The following SS18L1 variants were observed in gnomAD, a reference collection of about 807,000 sequenced individuals.
The protein encoded by SS18L1 is SS18L1 subunit of BAF chromatin remodeling complex, also known as calcium-responsive transactivator.
SS18L1 carries 32 observed loss-of-function variants against 70.3 expected under a neutral mutation model. The ratio of observed to expected loss-of-function variants is 0.46; its 90% CI spans 0.34 to 0.61. The LOEUF (loss-of-function observed/expected upper bound fraction) is 0.61. SS18L1 is among the 20% of genes least tolerant of loss of function. The pLI is 0.01. For missense variants in SS18L1, 430 were observed against 542.1 expected (o/e 0.79, Z 2.05); for synonymous variants, 237 against 229.7 (o/e 1.03, Z -0.29).
rs529739640 is a variant in SS18L1 at position 62,163,083 on chromosome 20, G to A, written c.556+152G>A. 4.7e-6 allele frequency: 5 copies of A among 1,066,514 alleles called. No individual in the cohort carries two copies. In the Admixed American group the frequency reaches 1.4e-4, roughly 30 times the overall value. 66.1% of individuals were successfully genotyped at this position (1,066,514 alleles called of 1,614,324 possible). On this transcript the variant is annotated intron_variant, in intron 5 of 10. Transcript: ENST00000331758. Reference sequence around the variant, plus strand: ...TGAATCGGGGCTGGCCGCTGCCTCTGAGAGCTTCCGGAGGGATGGGCGCCA... The same window carrying A: ...TGAATCGGGGCTGGCCGCTGCCTCTAAGAGCTTCCGGAGGGATGGGCGCCA...
At chr20:62,147,847 C>T (rs1291460578) in intron 1 of SS18L1, among the ~76,000 whole-genome samples, 5 of 151,892 alleles carry the variant, frequency 3.3e-5, no homozygotes, top group Admixed American at 2.6e-4. Context: ...TACCCAGGTG[C>T]GGGGGTGGGG....
At chr20:62,176,190 T>C (rs1044475137) in intron 10 of SS18L1, among the ~76,000 whole-genome samples, 1 of 152,256 alleles carries the variant, frequency 6.6e-6, no homozygotes, top group Non-Finnish European at 1.5e-5. Flanking sequence ...ATTATAAGAC[T>C]GAACCAGAGG....
rs752031479 is a variant in SS18L1, at chr20:62,158,824, A to G, written c.146+76A>G. ...AAGCACAGAGGCCAGATACGTCCCA[A>G]GAGTCCCCCAGCACAGAGATCAGAT... is the stretch of plus-strand genomic sequence containing the variant. On this transcript the variant is annotated intron_variant, in intron 2 of 10. Transcript: ENST00000331758. The surrounding 1 kb of genome is among the most constrained non-coding windows in gnomAD (Gnocchi z 4.5). The G allele has an allele frequency of 2.5e-6, 4 of 1,611,426 alleles. No homozygotes were observed. The Admixed American group carries it at 6.7e-5, about 27-fold the overall frequency.
rs1254855870 is a variant in SS18L1, at chr20:62,158,886, T to C, written c.146+138T>C. The C allele has an allele frequency of 6.2e-7, 1 of 1,603,962 alleles. No homozygotes were observed. The highest frequency in any genetic ancestry group is 1.3e-5 in the African/African-American group (1 of 74,076). On this transcript the variant is annotated intron_variant, in intron 2 of 10. Coordinates refer to ENST00000331758, the MANE Select transcript of SS18L1 (RefSeq NM_198935.3). The surrounding 1 kb of genome is among the most constrained non-coding windows in gnomAD (Gnocchi z 4.5). ...GTCCCCAGCACGGAGGCCAGATATGTCCCAGGAGTCCCCTGCACAGAGGCC... is the reference window on the plus strand; with the variant it reads ...GTCCCCAGCACGGAGGCCAGATATGCCCCAGGAGTCCCCTGCACAGAGGCC...
At chr20:62,153,746 T>TG (rs763404279) in intron 1 of SS18L1, among the ~76,000 whole-genome samples, 1 of 152,204 alleles carries the variant, frequency 6.6e-6, no homozygotes, top group South Asian at 2.1e-4. Context: ...GTCTCGGGGC[T>TG]GCTCTCCGTG....
chr20:62,164,487 T>C (rs891322407), intron 7 of SS18L1, among the ~76,000 whole-genome samples: 2 of 152,232 alleles, frequency 1.3e-5, no homozygotes, highest in Non-Finnish European at 2.9e-5. Flanking sequence ...ACCGCTGCAC[T>C]GGCCTCCACG....
chr20:62,163,169 T>C (rs2057363022), intron 5 of SS18L1, among the ~76,000 whole-genome samples: 1 of 152,100 alleles, frequency 6.6e-6, no homozygotes, highest in African/African-American at 2.4e-5. Context: ...GTGTTTCCCA[T>C]GGAGTCTCAG....
Position 62,162,778 on chromosome 20 carries a change from A to G in SS18L1, c.403A>G (p.Thr135Ala). ...NGPSHVSMQQ[T>A]APNTLPTTSM... ...GCCGAGCCACGTGTCCATGCAGCAG[A>G]CGGCGCCTAACACGCTGCCCACCAC... Residue 135 changes from threonine to alanine, a missense_variant, in exon 5 of 11, where the codon ACG becomes GCG. By Grantham distance (58) the Thr-to-Ala change is moderately conservative. Coordinates refer to ENST00000331758, the MANE Select transcript of SS18L1 (RefSeq NM_198935.3). 6.2e-7 allele frequency: 1 copy of G among 1,611,374 alleles called. No individual in the cohort carries two copies. The highest frequency in any genetic ancestry group is 8.5e-7 in the Non-Finnish European group (1 of 1,178,960).
At chr20:62,146,192 C>T (rs1270903521) in intron 1 of SS18L1, among the ~76,000 whole-genome samples, 4 of 152,200 alleles carry the variant, frequency 2.6e-5, no homozygotes, top group African/African-American at 9.6e-5. Flanking sequence ...ACCTTCAAAG[C>T]CTCACTCACG....
chr20:62,174,423 G>A lies in SS18L1; in HGVS notation c.1037-94G>A. 1 of 1,513,958 alleles carries A rather than the reference G, an allele frequency of 6.6e-7. No homozygotes were observed. The highest frequency in any genetic ancestry group is 2.4e-5 in the East Asian group (1 of 42,422). 93.8% of individuals were successfully genotyped at this position (1,513,958 alleles called of 1,614,324 possible). A position where few individuals can be genotyped will look rare whatever the true frequency, so the allele number is the denominator to read the frequency against. On this transcript the variant is annotated intron_variant, in intron 9 of 10. Coordinates refer to ENST00000331758, the MANE Select transcript of SS18L1 (RefSeq NM_198935.3). The surrounding 1 kb of genome is among the most constrained non-coding windows in gnomAD (Gnocchi z 4.1). ...CATTGAGACGGGAATTTTTCAAGGA[G>A]AAGAGGAAGTTTTAAAAAAAATTTT...
At chr20:62,173,702 C>T (rs778938442) in intron 9 of SS18L1, among the ~76,000 whole-genome samples, 2 of 151,266 alleles carry the variant, frequency 1.3e-5, no homozygotes, top group Non-Finnish European at 2.9e-5. Flanking sequence ...AGTGAGACGA[C>T]TCCTCAAAAA....
chr20:62,161,535 A>G lies in SS18L1; in HGVS notation c.331A>G (p.Thr111Ala). 1 of 1,612,388 alleles carries G rather than the reference A, an allele frequency of 6.2e-7. No individual in the cohort carries two copies. The highest frequency in any genetic ancestry group is 1.1e-5 in the South Asian group (1 of 91,064). The stretch of plus-strand genomic sequence containing the variant: ...GGGCAGCCTGAGTGACGCCATCAGC[A>G]CGGGCCTGCCACCCTCCTCCCTCCT... ...SQGSLSDAIS[T>A]GLPPSSLLQG... Residue 111 changes from threonine to alanine, a missense_variant, in exon 4 of 11, where the codon ACG becomes GCG. Coordinates refer to ENST00000331758, the MANE Select transcript of SS18L1 (RefSeq NM_198935.3). The surrounding 1 kb of genome is among the most constrained non-coding windows in gnomAD (Gnocchi z 4.4).
In SS18L1 at chr20:62,161,422, C is replaced by T. The variant is rs200850400; in HGVS notation, c.232-14C>T. The T allele has an allele frequency of 5.0e-6, 8 of 1,612,624 alleles. No homozygotes were observed. In the Admixed American group the frequency reaches 1.2e-4, roughly 24 times the overall value. On this transcript the variant is annotated splice_polypyrimidine_tract_variant and intron_variant, in intron 3 of 10. Coordinates refer to ENST00000331758, the MANE Select transcript of SS18L1 (RefSeq NM_198935.3). This position sits in a 1 kb window ranked among gnomAD's most constrained non-coding sequence, Gnocchi z 4.4. ...ATTAACCGTTTTTCCCTGAAAACTTCCTGTTGCCTGCAGCCGCCCACGCAG... is the reference window on the plus strand; with the variant it reads ...ATTAACCGTTTTTCCCTGAAAACTTTCTGTTGCCTGCAGCCGCCCACGCAG...
Position 62,174,820 on chromosome 20 carries a change from C to T in SS18L1, c.1164+176C>T, listed in dbSNP as rs1032948872. 52 of 1,493,746 alleles carry T rather than the reference C, an allele frequency of 3.5e-5. No individual in the cohort carries two copies. The African/African-American group carries it at 3.6e-4, about 10-fold the overall frequency. The allele number at this position is 1,493,746 out of a possible 1,614,324, so 92.5% of individuals were successfully genotyped here. A position where few individuals can be genotyped will look rare whatever the true frequency, so the allele number is the denominator to read the frequency against. ...TTTTGCAGAATTGCCTCTGTGTATA[C>T]GCTCACCTCAGTCATCCAGCTGGCT... On this transcript the variant is annotated intron_variant, in intron 10 of 10. Coordinates refer to ENST00000331758, the MANE Select transcript of SS18L1 (RefSeq NM_198935.3). The surrounding 1 kb of genome is among the most constrained non-coding windows in gnomAD (Gnocchi z 4.1).
chr20:62,150,892 C>T (rs1441297592), intron 1 of SS18L1, among the ~76,000 whole-genome samples: 1 of 152,044 alleles, frequency 6.6e-6, no homozygotes, highest in Admixed American at 6.5e-5. Flanking sequence ...GGCTCCATGC[C>T]AGACGCTTCC....
Position 62,143,940 on chromosome 20 carries a change from C to T in SS18L1, c.69+51C>T. 3.1e-6 allele frequency: 3 copies of T among 978,724 alleles called. No homozygotes were observed. The South Asian group carries it at 1.4e-4, about 45-fold the overall frequency. 60.6% of individuals were successfully genotyped at this position (978,724 alleles called of 1,614,324 possible). A position where few individuals can be genotyped will look rare whatever the true frequency, so the allele number is the denominator to read the frequency against. On this transcript the variant is annotated intron_variant, in intron 1 of 10. Transcript: ENST00000331758. Reference sequence around the variant, plus strand: ...TGGGCGGCGGGTCTGCGGGCGGGCGCGCGCGGGGACGGGGCGCGGGCAGCT... The same window carrying T: ...TGGGCGGCGGGTCTGCGGGCGGGCGTGCGCGGGGACGGGGCGCGGGCAGCT...
chr20:62,162,845 C>T lies in SS18L1; in HGVS notation c.470C>T (p.Pro157Leu). The T allele has an allele frequency of 3.1e-6, 5 of 1,612,894 alleles. No individual in the cohort carries two copies. Among genetic ancestry groups the T allele is most frequent in the Non-Finnish European group, 4.2e-6 (5 of 1,179,954 alleles). Residue 157 changes from proline to leucine, a missense_variant, in exon 5 of 11, where the codon CCC becomes CTC. Physicochemically the swap from Pro to Leu is moderately conservative, Grantham distance 98. Coordinates refer to ENST00000331758, the MANE Select transcript of SS18L1 (RefSeq NM_198935.3). ...GGGCCCGGCTACAGCCACGCGGGAC[C>T]CGCCTCGCAGGGCGTCCCCATGCAG... ...ISGPGYSHAG[P>L]ASQGVPMQGQ...
chr20:62,179,043 T>A, intron 10 of SS18L1, 139 bp from the exon 11 acceptor site: 1 of 869,518 alleles, frequency 1.2e-6, no homozygotes, highest in Non-Finnish European at 1.8e-6. Context: ...TGGAAAGTCG[T>A]TCGCTGCCCC....
At chr20:62,156,172 C>G (rs1282285689) in intron 1 of SS18L1, among the ~76,000 whole-genome samples, 1 of 152,152 alleles carries the variant, frequency 6.6e-6, no homozygotes, top group African/African-American at 2.4e-5. Flanking sequence ...CGGCCCCGTG[C>G]TGGGAGTGAT....
Sources: gnomAD v4.1 joint callset for allele counts (sites outside exome capture counted in the v4.1 genomes callset) on GRCh38, gnomAD v4.1.1 for gene constraint, Gnocchi (gnomAD v3.1) non-coding constraint, MANE v1.5 for transcripts, NCBI Gene and HGNC (gene_info 2026-07-23, HGNC 2026-07-21) for gene names.